CDH12: variants seen among roughly 807,000 people sequenced by gnomAD.
CDH12 encodes cadherin-12.
A neutral mutation model predicts 74.1 loss-of-function variants in CDH12; 41 were observed. That is an observed-to-expected ratio of 0.55 (90% confidence interval 0.43 to 0.72). CDH12 has a LOEUF of 0.72. Ranked by LOEUF, CDH12 falls within the 30% of genes least tolerant of loss-of-function variation. The pLI, the probability that CDH12 is intolerant of heterozygous loss-of-function variation, is 0.00. For missense variants in CDH12, 945 were observed against 977.2 expected, an observed-to-expected ratio of 0.97 and a Z score of 0.44; for synonymous variants, 399 against 355.0, an observed-to-expected ratio of 1.12 and a Z score of -1.39.
chr5:21,914,047 G>A (rs1273445351), intron 6 of CDH12, among the ~76,000 whole-genome samples: 1 of 152,058 alleles, frequency 6.6e-6, no homozygotes, highest in Non-Finnish European at 1.5e-5. Flanking sequence ...ATGCCAGAAA[G>A]GACTACAAAC....
intron 1 of CDH12, among the ~76,000 whole-genome samples, chr5:22,518,591 A>T (rs535284937): frequency 1.3e-5 from 2 of 152,214 alleles, no homozygotes; most frequent in Non-Finnish European, 2.9e-5. Context: ...AAGTGTTATG[A>T]CATAAATGTT....
chr5:22,358,683 A>C (rs1165165318), intron 3 of CDH12, among the ~76,000 whole-genome samples: 1 of 152,208 alleles, frequency 6.6e-6, no homozygotes, highest in Admixed American at 6.5e-5. Flanking sequence ...AAAAGCAGAA[A>C]GCATTACAGA....
chr5:22,666,286 T>G (rs1740612431), intron 1 of CDH12, among the ~76,000 whole-genome samples: 1 of 83,718 alleles, frequency 1.2e-5, no homozygotes, highest in Non-Finnish European at 2.5e-5. Context: ...CTCTATCTTT[T>G]TTTTTTTTTT....
intron 6 of CDH12, among the ~76,000 whole-genome samples, chr5:21,910,459 G>T (rs1164900133): frequency 6.6e-6 from 1 of 152,046 alleles, no homozygotes; most frequent in East Asian, 1.9e-4. Flanking sequence ...GTAAAAGAAA[G>T]AAACTGTCCC....
intron 1 of CDH12, among the ~76,000 whole-genome samples, chr5:22,692,511 A>AG (rs199951063): frequency 6.6e-6 from 1 of 151,952 alleles, no homozygotes; most frequent in Non-Finnish European, 1.5e-5. Flanking sequence ...TATATTAAAG[A>AG]GGGGAAAAAA....
intron 2 of CDH12, among the ~76,000 whole-genome samples, chr5:22,420,015 G>C (rs1743570082): frequency 6.6e-6 from 1 of 151,706 alleles, no homozygotes. Context: ...TTGTTTGTTT[G>C]TTTTGGTGTG....
At chr5:22,374,638 A>G (rs1741442219) in intron 3 of CDH12, among the ~76,000 whole-genome samples, 1 of 152,178 alleles carries the variant, frequency 6.6e-6, no homozygotes, top group Non-Finnish European at 1.5e-5. Context: ...AACATAAAAA[A>G]TCATAAGCAT....
intron 1 of CDH12, among the ~76,000 whole-genome samples, chr5:22,615,820 T>C (rs1347768385): frequency 1.3e-5 from 2 of 152,100 alleles, no homozygotes; most frequent in South Asian, 2.1e-4. Context: ...AGATAATGAA[T>C]GTATGGTGAA....
At chr5:22,637,062 C>G (rs1358076949) in intron 1 of CDH12, among the ~76,000 whole-genome samples, 2 of 152,044 alleles carry the variant, frequency 1.3e-5, no homozygotes, top group South Asian at 2.1e-4. Flanking sequence ...GGTGGTTACC[C>G]CAATAGCTCT....
chr5:21,761,765 A>AGAT (rs1744738089), intron 12 of CDH12, among the ~76,000 whole-genome samples: 1 of 151,908 alleles, frequency 6.6e-6, no homozygotes, highest in African/African-American at 2.4e-5. Context: ...ATAGATAGAT[A>AGAT]GATAGATAGA....
chr5:22,324,991 C>T (rs1302062841), intron 3 of CDH12, among the ~76,000 whole-genome samples: 1 of 152,040 alleles, frequency 6.6e-6, no homozygotes, highest in African/African-American at 2.4e-5. Flanking sequence ...CTATAGAATG[C>T]CATTCATTAA....
intron 4 of CDH12, among the ~76,000 whole-genome samples, chr5:22,169,884 G>A (rs1407099553): frequency 6.6e-6 from 1 of 151,760 alleles, no homozygotes; most frequent in Non-Finnish European, 1.5e-5. Flanking sequence ...TCCATCCTGA[G>A]CCATGTGTAC....
intron 3 of CDH12, among the ~76,000 whole-genome samples, chr5:22,329,384 C>T (rs1440455102): frequency 6.6e-6 from 1 of 152,128 alleles, no homozygotes; most frequent in Non-Finnish European, 1.5e-5. Flanking sequence ...CACAATTATT[C>T]AATCTCCGAC....
chr5:21,783,547 A>T (rs1426732340), intron 10 of CDH12, 53 bp from the exon 11 acceptor site: 1 of 1,374,722 alleles, frequency 7.3e-7, no homozygotes, highest in African/African-American at 1.4e-5. Flanking sequence ...ATTAATCATA[A>T]TGGCACTTAG....
chr5:22,450,503 A>C (rs1301346839), intron 2 of CDH12, among the ~76,000 whole-genome samples: 1 of 151,794 alleles, frequency 6.6e-6, no homozygotes, highest in African/African-American at 2.4e-5. Context: ...GATTTATTTT[A>C]GTATATTTTC....
At chr5:22,751,936 T>C (rs1342133574) in intron 1 of CDH12, among the ~76,000 whole-genome samples, 1 of 147,870 alleles carries the variant, frequency 6.8e-6, no homozygotes, top group Non-Finnish European at 1.5e-5. Context: ...TCTCAGAGTA[T>C]AGCCAGCAGA....
chr5:22,016,519 C>T (rs1363218219), intron 5 of CDH12, among the ~76,000 whole-genome samples: 1 of 151,934 alleles, frequency 6.6e-6, no homozygotes, highest in Admixed American at 6.6e-5. Context: ...CCTCAGCCTC[C>T]CAAGTAGCTG....
At chr5:21,886,607 T>C (rs953265457) in intron 6 of CDH12, among the ~76,000 whole-genome samples, 2 of 148,426 alleles carry the variant, frequency 1.3e-5, no homozygotes, top group African/African-American at 4.9e-5. Context: ...TATATAAAAC[T>C]CTTTGAGGTT....
At chr5:22,849,254 G>T (rs1431868182) in intron 1 of CDH12, among the ~76,000 whole-genome samples, 2 of 152,082 alleles carry the variant, frequency 1.3e-5, no homozygotes, top group African/African-American at 2.4e-5. Flanking sequence ...TTCCCAAATT[G>T]CTCATGTAAT....
Sources: gnomAD v4.1 joint callset for allele counts (sites outside exome capture counted in the v4.1 genomes callset) on GRCh38, gnomAD v4.1.1 for gene constraint, MANE v1.5 for transcripts, NCBI Gene and HGNC (gene_info 2026-07-23, HGNC 2026-07-21) for gene names.